The following ARRB2 variants were observed in gnomAD, a reference collection of about 807,000 sequenced individuals.
The protein encoded by ARRB2 is arrestin beta 2.
In ARRB2, 21 loss-of-function variants were observed where a neutral mutation model predicts 53.4. The ratio of observed to expected loss-of-function variants is 0.39; its 90% CI spans 0.28 to 0.57. The LOEUF (loss-of-function observed/expected upper bound fraction) is 0.57. ARRB2 is among the 20% of genes least tolerant of loss of function. The probability of loss-of-function intolerance (pLI) is 0.55; values close to 1 mark genes in which losing one functional copy is unlikely to be tolerated. For missense variants in ARRB2, 369 were observed against 527.5 expected (o/e 0.70, Z 2.94); for synonymous variants, 180 against 212.9 (o/e 0.85, Z 1.34).
intron 9 of ARRB2, 87 bp from the exon 10 acceptor site, chr17:4,718,525 G>C (rs1239587104): frequency 1.8e-5 from 26 of 1,408,048 alleles, no homozygotes; most frequent in Non-Finnish European, 2.5e-5. Context: ...GGGGAGCATG[G>C]GGGGGCCACG....
At position 4,720,299 on chromosome 17, in the gene ARRB2, G is replaced by A. The variant is rs769567416; in HGVS notation, c.1001G>A (p.Gly334Glu). 6.2e-7 allele frequency: 1 copy of A among 1,613,948 alleles called. No homozygotes were observed. Among genetic ancestry groups the A allele is most frequent in the South Asian group, 1.1e-5 (1 of 91,082 alleles). The change falls in exon 12 of 15, where the codon GGG (glycine) becomes GAG (glutamate). Residue 334 changes from glycine to glutamate, a missense_variant and splice_region_variant. Transcript: ENST00000269260. ...VKVKLVVSRG[G>E]DVSVELPFVL... Reference sequence around the variant, plus strand: ...GTGAAGCTGGTGGTGTCTCGAGGCGGGTGAGTGTCATGGGGGAGCCTGGGT... The same window carrying A: ...GTGAAGCTGGTGGTGTCTCGAGGCGAGTGAGTGTCATGGGGGAGCCTGGGT...
In ARRB2 at chr17:4,717,651, C is replaced by G; in HGVS notation, c.418-34C>G. Reference sequence around the variant, plus strand: ...AGGGCAGTGATGGTGGCGGGAGCCTCCGGTAAGATGTGGCCTTTTCTCCCC... The same window carrying G: ...AGGGCAGTGATGGTGGCGGGAGCCTGCGGTAAGATGTGGCCTTTTCTCCCC... On this transcript the variant is annotated intron_variant, in intron 6 of 14. Coordinates refer to ENST00000269260, the MANE Select transcript of ARRB2 (RefSeq NM_004313.4). This position sits in a 1 kb window ranked among gnomAD's most constrained non-coding sequence, Gnocchi z 6.0. 1 of 1,613,694 alleles carries G rather than the reference C, an allele frequency of 6.2e-7. No homozygotes were observed. Among genetic ancestry groups the G allele is most frequent in the Non-Finnish European group, 8.5e-7 (1 of 1,179,868 alleles).
chr17:4,716,088 G>A, intron 3 of ARRB2, 55 bp downstream of exon 3: 9 of 1,614,170 alleles, frequency 5.6e-6, no homozygotes, highest in Non-Finnish European at 7.6e-6. Flanking sequence ...GAAGTTCCCG[G>A]GCCCAGGAAA....
chr17:4,718,815 CTT>C lies in ARRB2; in HGVS notation c.779+132_779+133del, dbSNP rs1288935302. On this transcript the variant is annotated intron_variant, in intron 10 of 14. Coordinates refer to ENST00000269260, the MANE Select transcript of ARRB2 (RefSeq NM_004313.4). Reference sequence around the variant, plus strand: ...TTTTTTTTGAGATGGAGTTTTTGCTCTTGTTGCCCAGCCTGGAGTGCAATGGG... The same window carrying C: ...TTTTTTTTGAGATGGAGTTTTTGCTCGTTGCCCAGCCTGGAGTGCAATGGG... The C allele has an allele frequency of 3.0e-6, 3 of 990,746 alleles. No individual in the cohort carries two copies. The Admixed American group carries it at 8.6e-5, about 29-fold the overall frequency. 61.4% of individuals were successfully genotyped at this position (990,746 alleles called of 1,614,324 possible). A position where few individuals can be genotyped will look rare whatever the true frequency, so the allele number is the denominator to read the frequency against.
intron 1 of ARRB2, among the ~76,000 whole-genome samples, chr17:4,711,110 G>A (rs954501144): frequency 6.6e-6 from 1 of 152,016 alleles, no homozygotes; most frequent in African/African-American, 2.4e-5. Flanking sequence ...GGACGGGGGG[G>A]ATCCACTCCA....
intron 2 of ARRB2, 176 bp downstream of exon 2, chr17:4,715,219 C>T (rs1052292638): frequency 1.3e-6 from 1 of 763,444 alleles, no homozygotes; most frequent in Non-Finnish European, 2.0e-6. Context: ...GCAGAGGCTG[C>T]TCAGCCTGAG....
rs2150591320 is a variant in ARRB2 at position 4,716,047 on chromosome 17, G to A, written c.115+14G>A. 1 of 1,614,204 alleles carries A rather than the reference G, an allele frequency of 6.2e-7. No individual in the cohort carries two copies. The highest frequency in any genetic ancestry group is 2.2e-5 in the East Asian group (1 of 44,894). ...TGGACCCTGTAGGTAAGTTTTCCCA[G>A]AAAGGGACAGCTCGTTCCCCAAGAG... On this transcript the variant is annotated intron_variant, in intron 3 of 14. Transcript: ENST00000269260.
At chr17:4,716,633 G>A (rs1334395360) in intron 5 of ARRB2, 25 bp downstream of exon 5, 1 of 1,549,414 alleles carries the variant, frequency 6.5e-7, no homozygotes, top group East Asian at 2.4e-5. Context: ...GCCCTCTGAG[G>A]GCCAGGGGGC....
At chr17:4,712,834 G>A (rs569599544) in intron 1 of ARRB2, among the ~76,000 whole-genome samples, 4 of 152,254 alleles carry the variant, frequency 2.6e-5, no homozygotes, top group Non-Finnish European at 5.9e-5. Context: ...GGATGGACTC[G>A]GAGCCAGACT....
At chr17:4,715,681 CTGGT>C (rs1207951021) in intron 2 of ARRB2, 17 of 384,596 alleles carry the variant, frequency 4.4e-5, no homozygotes, top group South Asian at 7.9e-5. Context: ...ACACACCTGA[CTGGT>C]TGGCTGAGGA....
At chr17:4,720,542 C>T (rs886309743) in intron 13 of ARRB2, 44 bp from the exon 14 acceptor site, 1 of 1,571,942 alleles carries the variant, frequency 6.4e-7, no homozygotes, top group Non-Finnish European at 8.6e-7. Context: ...GAAAACTGGC[C>T]CTTCCAGCAC....
In ARRB2 at chr17:4,720,217, G is replaced by T. The variant is rs200008251; in HGVS notation, c.919G>T (p.Val307Leu). 1.9e-6 allele frequency: 3 copies of T among 1,612,068 alleles called. No homozygotes were observed. The East Asian group carries it at 6.7e-5, about 36-fold the overall frequency. ...TGACTCCAACACCCTCAATTGCAGCGTGAAGGAGGGTGCCAACAAGGAGGT... is the reference window on the plus strand; with the variant it reads ...TGACTCCAACACCCTCAATTGCAGCTTGAAGGAGGGTGCCAACAAGGAGGT... Reference protein sequence around the residue: ...EDTNLASSTIVKEGANKEVLG... With the variant: ...EDTNLASSTILKEGANKEVLG... The change falls in exon 12 of 15, where the codon GTG (valine) becomes TTG (leucine). Residue 307 changes from valine to leucine, a missense_variant and splice_region_variant. Coordinates refer to ENST00000269260, the MANE Select transcript of ARRB2 (RefSeq NM_004313.4).
intron 9 of ARRB2, 55 bp from the exon 10 acceptor site, chr17:4,718,557 T>C: frequency 1.3e-6 from 2 of 1,563,116 alleles, no homozygotes; most frequent in East Asian, 2.2e-5. Flanking sequence ...GGAGTTGTGG[T>C]GTGGTGGTGG....
Position 4,715,696 on chromosome 17 carries a change from C to T in ARRB2, c.55-277C>T, listed in dbSNP as rs111455449. The T allele has an allele frequency of 1.7e-4, 34 of 200,268 alleles. 2 individuals carry two copies. In the African/African-American group the frequency reaches 2.4e-3, roughly 14 times the overall value. 12.4% of individuals were successfully genotyped at this position (200,268 alleles called of 1,614,324 possible). On this transcript the variant is annotated intron_variant, in intron 2 of 14. Transcript: ENST00000269260. Reference sequence around the variant, plus strand: ...ACACACCTGACTGGTTGGCTGAGGACACACACACACACACACACACACACA... The same window carrying T: ...ACACACCTGACTGGTTGGCTGAGGATACACACACACACACACACACACACA...
intron 10 of ARRB2, 78 bp downstream of exon 10, chr17:4,718,762 T>C (rs1170560995): frequency 1.4e-6 from 2 of 1,419,314 alleles, no homozygotes; most frequent in Admixed American, 4.3e-5. Context: ...GAGGAAGAAT[T>C]CTTCCTGAGC....
chr17:4,719,503 T>C (rs986428611), intron 11 of ARRB2, 83 bp downstream of exon 11: 3 of 1,545,098 alleles, frequency 1.9e-6, no homozygotes, highest in Non-Finnish European at 2.6e-6. Flanking sequence ...GCCAGGGATG[T>C]ATCAGTGAAC....
intron 11 of ARRB2, among the ~76,000 whole-genome samples, 170 bp downstream of exon 11, chr17:4,719,590 G>T (rs973926914): frequency 1.5e-4 from 23 of 152,150 alleles, no homozygotes; most frequent in Non-Finnish European, 1.5e-5. Flanking sequence ...TGTACAGCAG[G>T]TTTAGTGACA....
intron 1 of ARRB2, among the ~76,000 whole-genome samples, chr17:4,714,067 T>C (rs1299355723): frequency 1.4e-5 from 2 of 145,096 alleles, no homozygotes; most frequent in Non-Finnish European, 3.0e-5. Flanking sequence ...ATCTTCATGA[T>C]ATGGCTGGCA....
chr17:4,715,726 AAC>A, intron 2 of ARRB2: 2 of 251,828 alleles, frequency 7.9e-6, no homozygotes, highest in African/African-American at 1.1e-4. Context: ...CACACACACA[AAC>A]ACACACACAC....
Sources: allele counts gnomAD v4.1 joint callset (sites outside exome capture counted in the v4.1 genomes callset), GRCh38; gene constraint gnomAD v4.1.1; non-coding constraint Gnocchi (gnomAD v3.1); transcripts MANE v1.5; gene names NCBI Gene and HGNC (gene_info 2026-07-23, HGNC 2026-07-21).